Variants in SSBP2 observed in about 807,000 individuals in gnomAD.
The protein encoded by SSBP2 is single-stranded DNA-binding protein 2.
SSBP2 carries 17 observed loss-of-function variants against 61.8 expected under a neutral mutation model. That is an observed-to-expected ratio of 0.28 (90% CI 0.19 to 0.41). The LOEUF is 0.41. SSBP2 is among the 10% of genes least tolerant of loss of function. The pLI is 1.00. For missense variants in SSBP2, 310 were observed against 458.7 expected, an observed-to-expected ratio of 0.68 and a Z score of 2.96; for synonymous variants, 139 against 141.3, an observed-to-expected ratio of 0.98 and a Z score of 0.12.
At chr5:81,453,991 A>G (rs1363605667) in intron 10 of SSBP2, among the ~76,000 whole-genome samples, 3 of 152,222 alleles carry the variant, frequency 2.0e-5, no homozygotes, top group Non-Finnish European at 4.4e-5. Flanking sequence ...AATAACCTTC[A>G]AAATAGGACT....
At chr5:81,750,857 CCCTG>C in intron 1 of SSBP2, 120 bp downstream of exon 1, 68 of 1,098,902 alleles carry the variant, frequency 6.2e-5, no homozygotes, top group East Asian at 1.3e-4. Flanking sequence ...GCACCCCTCC[CCCTG>C]CCAGCCCACC....
intron 1 of SSBP2, among the ~76,000 whole-genome samples, chr5:81,739,279 C>A (rs964596023): frequency 1.3e-5 from 2 of 150,624 alleles, no homozygotes; most frequent in Non-Finnish European, 3.0e-5. Context: ...TCCCTACCAA[C>A]TTTACTGCAG....
chr5:81,431,356 A>T (rs1343075450), intron 15 of SSBP2, among the ~76,000 whole-genome samples: 1 of 152,208 alleles, frequency 6.6e-6, no homozygotes, highest in African/African-American at 2.4e-5. Flanking sequence ...GGTTAGGATT[A>T]TACTGATACC....
chr5:81,595,808 T>C (rs1218183856), intron 4 of SSBP2, among the ~76,000 whole-genome samples: 1 of 152,128 alleles, frequency 6.6e-6, no homozygotes, highest in Non-Finnish European at 1.5e-5. Flanking sequence ...ATGCTAAAAA[T>C]TCTCAATAAA....
chr5:81,560,225 T>C (rs1183415756), intron 4 of SSBP2, among the ~76,000 whole-genome samples: 2 of 152,156 alleles, frequency 1.3e-5, no homozygotes, highest in Non-Finnish European at 2.9e-5. Flanking sequence ...CAAAAAAGAT[T>C]GTGTTCAAAT....
chr5:81,451,332 GA>G lies in SSBP2; in HGVS notation c.688-2508del, dbSNP rs527447233. Among the ~76,000 whole-genome samples, 855 of 145,832 alleles carry G rather than the reference GA, an allele frequency of 5.9e-3. 1 individual carries two copies. Among genetic ancestry groups the G allele is most frequent in the African/African-American group, 9.1e-3 (366 of 40,030 alleles). ...AAATTTTCATGTATATCCCAGATAG[GA>G]AAAAAAAAAACTTTGTTTATTTCCA... On this transcript the variant is annotated intron_variant, in intron 10 of 16. Coordinates refer to ENST00000320672, the MANE Select transcript of SSBP2 (RefSeq NM_012446.5).
intron 1 of SSBP2, among the ~76,000 whole-genome samples, chr5:81,653,785 A>C (rs1749967342): frequency 1.3e-5 from 2 of 151,992 alleles, no homozygotes; most frequent in African/African-American, 4.8e-5. Flanking sequence ...CCACTTTTTG[A>C]TGGAGTTTTT....
chr5:81,649,463 C>A (rs1179651073), intron 2 of SSBP2, among the ~76,000 whole-genome samples: 2 of 152,052 alleles, frequency 1.3e-5, no homozygotes, highest in Non-Finnish European at 2.9e-5. Flanking sequence ...GAAATCATGT[C>A]TTTTACAGCA....
intron 5 of SSBP2, among the ~76,000 whole-genome samples, chr5:81,504,420 A>G (rs1768024768): frequency 6.6e-6 from 1 of 152,064 alleles, no homozygotes; most frequent in Non-Finnish European, 1.5e-5. Context: ...CCTATCTCAC[A>G]ATTCTCCCCA....
chr5:81,642,220 T>C (rs1195756648), intron 2 of SSBP2, among the ~76,000 whole-genome samples: 1 of 152,212 alleles, frequency 6.6e-6, no homozygotes, highest in Non-Finnish European at 1.5e-5. Context: ...TTCAGGCCTA[T>C]TTAGGTTTTT....
intron 14 of SSBP2, 100 bp downstream of exon 14, chr5:81,440,458 G>A: frequency 2.2e-6 from 2 of 912,716 alleles, no homozygotes; most frequent in Non-Finnish European, 1.7e-6. Context: ...TTAAAAATGA[G>A]TAGCTGGCTA....
At chr5:81,473,852 T>G (rs988185462) in intron 7 of SSBP2, 82 bp from the exon 8 acceptor site, 3 of 1,273,848 alleles carry the variant, frequency 2.4e-6, no homozygotes, top group Non-Finnish European at 3.4e-6. Flanking sequence ...CTCCTGGGTG[T>G]TACTGTCTCA....
Position 81,650,255 on chromosome 5 carries a change from T to C in SSBP2, c.135+12A>G, listed in dbSNP as rs745491398. 60 of 1,541,158 alleles carry C rather than the reference T, an allele frequency of 3.9e-5. No homozygotes were observed. The highest frequency in any genetic ancestry group is 4.3e-5 in the Non-Finnish European group (49 of 1,134,400). ...AGATCAAAATGCAATACAGAAAATA[T>C]ATAAAACATACCTCTGATAAAAATG... is the stretch of plus-strand genomic sequence containing the variant. On this transcript the variant is annotated intron_variant, in intron 2 of 16. Coordinates refer to ENST00000320672, the MANE Select transcript of SSBP2 (RefSeq NM_012446.5).
At chr5:81,687,509 G>A (rs930535478) in intron 1 of SSBP2, among the ~76,000 whole-genome samples, 1 of 152,226 alleles carries the variant, frequency 6.6e-6, no homozygotes, top group African/African-American at 2.4e-5. Context: ...TGAGACACCA[G>A]CCAGGGTGGC....
At chr5:81,723,307 A>C (rs7726984) in intron 1 of SSBP2, among the ~76,000 whole-genome samples, 1 of 151,848 alleles carries the variant, frequency 6.6e-6, no homozygotes, top group Non-Finnish European at 1.5e-5. Flanking sequence ...CTGGAAGAGG[A>C]AAAATTCATA....
chr5:81,486,978 A>G (rs1165323821), intron 6 of SSBP2, among the ~76,000 whole-genome samples: 3 of 152,218 alleles, frequency 2.0e-5, no homozygotes, highest in Non-Finnish European at 4.4e-5. Context: ...CACCTCAAAG[A>G]TAGCATAATT....
At chr5:81,741,957 T>C (rs1307785501) in intron 1 of SSBP2, among the ~76,000 whole-genome samples, 1 of 152,218 alleles carries the variant, frequency 6.6e-6, no homozygotes. Context: ...TCTCTCATTA[T>C]AAAAGAGGCA....
chr5:81,566,111 T>C (rs62368672), intron 4 of SSBP2, among the ~76,000 whole-genome samples: 7,866 of 152,254 alleles, frequency 0.052, 291 homozygotes, highest in Middle Eastern at 0.092. Context: ...TTTTGGATTA[T>C]TTATTTGTTA....
chr5:81,573,279 C>G (rs910861443), intron 4 of SSBP2, among the ~76,000 whole-genome samples: 1 of 152,120 alleles, frequency 6.6e-6, no homozygotes, highest in Non-Finnish European at 1.5e-5. Flanking sequence ...CTTAAAGGTT[C>G]CATATAAACT....
Sources: allele counts gnomAD v4.1 joint callset (sites outside exome capture counted in the v4.1 genomes callset), GRCh38; gene constraint gnomAD v4.1.1; transcripts MANE v1.5; gene names NCBI Gene and HGNC (gene_info 2026-07-23, HGNC 2026-07-21).